The following GRID2 variants were observed in gnomAD, a reference collection of about 807,000 sequenced individuals.
The protein encoded by GRID2 is glutamate receptor ionotropic, delta-2.
Under a neutral mutation model 114.8 loss-of-function variants are expected in GRID2, and 33 were observed. The observed-to-expected ratio is 0.29, with a 90% CI of 0.22 to 0.38. The LOEUF (loss-of-function observed/expected upper bound fraction) is 0.38. Among genes scored for constraint, GRID2 ranks in the 10% least tolerant of loss-of-function variants. The pLI, the probability that GRID2 is intolerant of heterozygous loss-of-function variation, is 1.00. For synonymous variants in GRID2, 505 were observed against 449.9 expected (o/e 1.12, Z -1.55); for missense variants, 1,184 against 1,257.7 (o/e 0.94, Z 0.89).
chr4:92,934,462 C>CTGTCATCTGCAAACAGGGA (rs1553952150), intron 2 of GRID2, among the ~76,000 whole-genome samples: 1 of 145,276 alleles, frequency 6.9e-6, no homozygotes, highest in Non-Finnish European at 1.5e-5. Flanking sequence ...ATATACAATC[C>CTGTCATCTGCAAACAGGGA]CAAGGTAATT....
intron 1 of GRID2, among the ~76,000 whole-genome samples, chr4:92,563,858 T>G (rs1327377993): frequency 6.6e-6 from 1 of 152,134 alleles, no homozygotes; most frequent in Non-Finnish European, 1.5e-5. Context: ...TTCAGCTAAA[T>G]GAAATACCTA....
chr4:93,260,410 T>C (rs1282050015), intron 8 of GRID2, among the ~76,000 whole-genome samples: 2 of 150,890 alleles, frequency 1.3e-5, no homozygotes, highest in African/African-American at 2.4e-5. Context: ...AAAAAAAATA[T>C]TAAAATAACA....
intron 1 of GRID2, among the ~76,000 whole-genome samples, chr4:92,439,660 A>G (rs949791192): frequency 6.9e-6 from 1 of 145,604 alleles, no homozygotes; most frequent in African/African-American, 2.5e-5. Flanking sequence ...TGGCCTGGAT[A>G]CGGTTTTGTG....
intron 4 of GRID2, among the ~76,000 whole-genome samples, chr4:93,158,471 T>C (rs1174528895): frequency 6.6e-6 from 1 of 151,740 alleles, no homozygotes; most frequent in Non-Finnish European, 1.5e-5. Flanking sequence ...TGAATCAATT[T>C]ATTAGGGCCA....
At chr4:93,184,537 G>A (rs772983301) in intron 4 of GRID2, among the ~76,000 whole-genome samples, 3 of 148,432 alleles carry the variant, frequency 2.0e-5, no homozygotes, top group Non-Finnish European at 4.4e-5. Context: ...AAAACTCACA[G>A]GTACTCTTTC....
intron 1 of GRID2, among the ~76,000 whole-genome samples, chr4:93,795,666 A>G (rs1316262726): frequency 2.0e-5 from 3 of 152,190 alleles, no homozygotes; most frequent in Non-Finnish European, 2.9e-5. Context: ...GTGAGCAAGT[A>G]TAGGATTCTT....
chr4:92,653,184 G>T (rs1164748157), intron 2 of GRID2, among the ~76,000 whole-genome samples: 2 of 149,772 alleles, frequency 1.3e-5, no homozygotes, highest in African/African-American at 2.5e-5. Flanking sequence ...ATTTTTAGTA[G>T]AGATGGGGTG....
intron 2 of GRID2, among the ~76,000 whole-genome samples, chr4:92,816,019 A>G (rs1293528310): frequency 2.0e-5 from 3 of 151,540 alleles, no homozygotes; most frequent in Non-Finnish European, 4.4e-5. Flanking sequence ...ATTGTTTTTA[A>G]AAGTACATTT....
At chr4:93,259,027 G>A (rs1749944892) in intron 8 of GRID2, 3 of 393,588 alleles carry the variant, frequency 7.6e-6, no homozygotes, top group East Asian at 7.2e-5. Flanking sequence ...TCACAGAAAG[G>A]GAAAAAAGAT....
At chr4:92,800,720 A>G (rs1433562103) in intron 2 of GRID2, among the ~76,000 whole-genome samples, 7 of 151,988 alleles carry the variant, frequency 4.6e-5, no homozygotes, top group Admixed American at 4.6e-4. Flanking sequence ...CTAGAGAGTC[A>G]TGAAGCCCGA....
chr4:93,518,707 G>A (rs553849441), intron 13 of GRID2, among the ~76,000 whole-genome samples: 1 of 152,138 alleles, frequency 6.6e-6, no homozygotes, highest in South Asian at 2.1e-4. Flanking sequence ...ATTAAATCAG[G>A]TAGCCAGGGA....
rs1746239348 is a variant in GRID2, at chr4:93,232,276, C to CTATATTAGTA, written c.1126-6095_1126-6094insTATATTAGTA. On this transcript the variant is annotated intron_variant, in intron 7 of 15. Transcript: ENST00000282020. ...AAAATTATGTGATTGCACATAAAAT[C>CTATATTAGTA]ACTGGACATTTTCTATGTATTCTAT... 3.3e-5 allele frequency among the ~76,000 whole-genome samples: 5 copies of CTATATTAGTA among 152,110 alleles called. 1 individual carries two copies. The South Asian group carries it at 1.0e-3, about 32-fold the overall frequency.
intron 13 of GRID2, among the ~76,000 whole-genome samples, chr4:93,532,641 T>C (rs1012296306): frequency 6.6e-6 from 1 of 152,148 alleles, no homozygotes; most frequent in Non-Finnish European, 1.5e-5. Flanking sequence ...ATCAATATTC[T>C]CCTGCACCAT....
At chr4:92,838,272 A>G (rs1742611956) in intron 2 of GRID2, among the ~76,000 whole-genome samples, 1 of 152,120 alleles carries the variant, frequency 6.6e-6, no homozygotes, top group Non-Finnish European at 1.5e-5. Flanking sequence ...AAAATTGAAT[A>G]TCACTACCAT....
At chr4:93,366,033 A>G (rs1392262695) in intron 8 of GRID2, among the ~76,000 whole-genome samples, 1 of 151,954 alleles carries the variant, frequency 6.6e-6, no homozygotes, top group African/African-American at 2.4e-5. Flanking sequence ...GCTGAGGAGG[A>G]TGTATATTGC....
intron 9 of GRID2, among the ~76,000 whole-genome samples, chr4:93,405,613 CAGT>C: frequency 6.6e-6 from 1 of 152,232 alleles, no homozygotes; most frequent in African/African-American, 2.4e-5. Context: ...GATATAAAAA[CAGT>C]AGGTAGATTG....
chr4:93,755,401 A>G (rs1732658290), intron 14 of GRID2, among the ~76,000 whole-genome samples: 1 of 152,210 alleles, frequency 6.6e-6, no homozygotes, highest in Admixed American at 6.5e-5. Flanking sequence ...GCACGGAATT[A>G]GACGAGCCTC....
chr4:92,886,656 C>A (rs960770329), intron 2 of GRID2, among the ~76,000 whole-genome samples: 15 of 151,962 alleles, frequency 9.9e-5, no homozygotes, highest in Admixed American at 7.9e-4. Context: ...GACGGAGTCT[C>A]GCTCTTTCGC....
At chr4:92,632,727 G>A (rs1403845126) in intron 2 of GRID2, among the ~76,000 whole-genome samples, 1 of 151,604 alleles carries the variant, frequency 6.6e-6, no homozygotes, top group African/African-American at 2.4e-5. Context: ...AGTGAAGAAA[G>A]GGAAGGAAGG....
Sources: gnomAD v4.1 joint callset for allele counts (sites outside exome capture counted in the v4.1 genomes callset) on GRCh38, gnomAD v4.1.1 for gene constraint, MANE v1.5 for transcripts, NCBI Gene and HGNC (gene_info 2026-07-23, HGNC 2026-07-21) for gene names.